COL24A1: variants seen among roughly 807,000 people sequenced by gnomAD.
The protein encoded by COL24A1 is collagen type XXIV alpha 1 chain.
A neutral mutation model predicts 253.9 loss-of-function variants in COL24A1; 224 were observed. The observed-to-expected ratio is 0.88, with a 90% CI of 0.79 to 0.99. The LOEUF is 0.99. COL24A1 is among the 50% of genes least tolerant of loss of function. The pLI is 0.00. For synonymous variants in COL24A1, 685 were observed against 673.7 expected (o/e 1.02, Z -0.26); for missense variants, 2,131 against 2,068.5 (o/e 1.03, Z -0.59).
intron 24 of COL24A1, among the ~76,000 whole-genome samples, chr1:85,935,020 T>C (rs925596596): frequency 4.6e-5 from 7 of 152,122 alleles, no homozygotes; most frequent in Middle Eastern, 3.4e-3. Flanking sequence ...CATATAATAA[T>C]TGAAAACATT....
intron 35 of COL24A1, among the ~76,000 whole-genome samples, chr1:85,869,928 T>C (rs1197677306): frequency 6.6e-6 from 1 of 152,058 alleles, no homozygotes. Flanking sequence ...TCAAGACCCA[T>C]CAGTGTGCTG....
intron 19 of COL24A1, among the ~76,000 whole-genome samples, chr1:85,989,226 C>T (rs1275342223): frequency 6.6e-6 from 1 of 152,034 alleles, no homozygotes; most frequent in African/African-American, 2.4e-5. Context: ...ATGTTCCTCC[C>T]TCATCCTCTG....
At chr1:86,124,217 C>T (rs1045845697) in intron 3 of COL24A1, among the ~76,000 whole-genome samples, 4 of 17,226 alleles carry the variant, frequency 2.3e-4, no homozygotes, top group African/African-American at 4.6e-4. Context: ...AAACAAGTGC[C>T]TTGGTTGTTT....
intron 20 of COL24A1, among the ~76,000 whole-genome samples, chr1:85,976,958 T>C (rs1692747660): frequency 6.6e-6 from 1 of 152,198 alleles, no homozygotes; most frequent in Non-Finnish European, 1.5e-5. Flanking sequence ...CAAGGACTCT[T>C]ACAGTCTACT....
At chr1:85,985,505 T>A (rs1693648689) in intron 20 of COL24A1, among the ~76,000 whole-genome samples, 1 of 151,408 alleles carries the variant, frequency 6.6e-6, no homozygotes, top group Non-Finnish European at 1.5e-5. Context: ...AGCAAAAGAG[T>A]GACATGATGA....
chr1:85,838,842 T>C (rs1676299670), intron 42 of COL24A1, among the ~76,000 whole-genome samples: 2 of 152,204 alleles, frequency 1.3e-5, no homozygotes, highest in African/African-American at 4.8e-5. Flanking sequence ...CAGTGAATTA[T>C]ATAAAGAGAA....
chr1:85,760,557 C>T (rs145162399), intron 55 of COL24A1, among the ~76,000 whole-genome samples: 20 of 152,114 alleles, frequency 1.3e-4, no homozygotes, highest in African/African-American at 4.6e-4. Flanking sequence ...TGAGAGTAGA[C>T]CACAGGAAAC....
At chr1:86,142,127 C>A (rs528884785) in intron 2 of COL24A1, among the ~76,000 whole-genome samples, 30 of 151,822 alleles carry the variant, frequency 2.0e-4, no homozygotes, top group African/African-American at 7.3e-4. Flanking sequence ...TTGAAAAAAT[C>A]GTCATTCTTA....
intron 20 of COL24A1, among the ~76,000 whole-genome samples, chr1:85,983,314 C>T (rs918802160): frequency 5.3e-5 from 8 of 151,888 alleles, no homozygotes; most frequent in African/African-American, 1.2e-4. Flanking sequence ...TTCTTGAAAG[C>T]GGATTCCCAA....
intron 3 of COL24A1, among the ~76,000 whole-genome samples, chr1:86,120,437 A>G (rs1379844525): frequency 2.0e-5 from 3 of 152,178 alleles, no homozygotes; most frequent in Admixed American, 6.5e-5. Context: ...ACTTAAACAC[A>G]TTTACAAGAA....
At chr1:85,996,796 A>G (rs1558943896) in intron 19 of COL24A1, among the ~76,000 whole-genome samples, 1 of 151,834 alleles carries the variant, frequency 6.6e-6, no homozygotes, top group East Asian at 1.9e-4. Flanking sequence ...TATTCTGGAG[A>G]CTGTTTATCT....
chr1:85,742,903 T>C (rs1341152123), intron 57 of COL24A1, among the ~76,000 whole-genome samples: 4 of 152,132 alleles, frequency 2.6e-5, no homozygotes, highest in Non-Finnish European at 5.9e-5. Flanking sequence ...GTTCCAATAA[T>C]GGAACGCTAA....
intron 39 of COL24A1, 104 bp from the exon 40 acceptor site, chr1:85,842,497 T>A (rs1448365592): frequency 2.5e-6 from 2 of 810,460 alleles, no homozygotes; most frequent in Admixed American, 5.8e-5. Context: ...AGATTTTTCA[T>A]GGTTGAAATT....
At chr1:86,002,175 T>C (rs759072187) in intron 19 of COL24A1, among the ~76,000 whole-genome samples, 21 of 152,230 alleles carry the variant, frequency 1.4e-4, no homozygotes, top group Non-Finnish European at 2.4e-4. Flanking sequence ...GCCAATCACT[T>C]ACATCTCTAT....
In COL24A1 at chr1:86,116,209, G is replaced by C. The variant is rs148602542; in HGVS notation, c.1492-831C>G. On this transcript the variant is annotated intron_variant, in intron 3 of 59. Transcript: ENST00000370571. ...CACTCTGTGATATGGCATTGTTCTTGGTGTCTATAGAGCATACCATACACA... is the reference window on the plus strand; with the variant it reads ...CACTCTGTGATATGGCATTGTTCTTCGTGTCTATAGAGCATACCATACACA... Among the ~76,000 whole-genome samples, 83 of 151,982 alleles carry C rather than the reference G, an allele frequency of 5.5e-4. No individual in the cohort carries two copies. The East Asian group carries it at 8.1e-3, about 15-fold the overall frequency.
intron 11 of COL24A1, among the ~76,000 whole-genome samples, chr1:86,047,732 T>C (rs1700012658): frequency 6.6e-6 from 1 of 151,982 alleles, no homozygotes; most frequent in Non-Finnish European, 1.5e-5. Flanking sequence ...TATAAAACCA[T>C]TCAGTAAATC....
chr1:86,050,225 C>T, intron 10 of COL24A1, 48 bp from the exon 11 acceptor site: 1 of 1,509,712 alleles, frequency 6.6e-7, no homozygotes, highest in Non-Finnish European at 9.2e-7. Context: ...GAATATTCTC[C>T]CCATAAGTGA....
chr1:86,139,231 G>GA (rs1156295934), intron 2 of COL24A1, among the ~76,000 whole-genome samples: 1 of 151,928 alleles, frequency 6.6e-6, no homozygotes, highest in Non-Finnish European at 1.5e-5. Flanking sequence ...GAGGGATGGA[G>GA]AAAGAGTGAG....
At chr1:86,151,583 A>G (rs1230742789) in intron 1 of COL24A1, among the ~76,000 whole-genome samples, 1 of 152,194 alleles carries the variant, frequency 6.6e-6, no homozygotes, top group Non-Finnish European at 1.5e-5. Flanking sequence ...TAAAGGCCTA[A>G]AGAGGATAAG....
Sources: allele counts gnomAD v4.1 joint callset (sites outside exome capture counted in the v4.1 genomes callset), GRCh38; gene constraint gnomAD v4.1.1; transcripts MANE v1.5; gene names NCBI Gene and HGNC (gene_info 2026-07-23, HGNC 2026-07-21).